MNT: variants seen among roughly 807,000 people sequenced by gnomAD.
MNT encodes MAX network transcriptional repressor.
In MNT, 13 loss-of-function variants were observed where a neutral mutation model predicts 40.7. The observed-to-expected ratio is 0.32, with a 90% confidence interval of 0.21 to 0.51. The LOEUF (loss-of-function observed/expected upper bound fraction) is 0.51, where lower values mean the gene tolerates loss of function less well. MNT is among the 20% of genes least tolerant of loss of function. The probability of loss-of-function intolerance (pLI) is 0.98; values close to 1 mark genes in which losing one functional copy is unlikely to be tolerated. For missense variants in MNT, 757 were observed against 792.0 expected (o/e 0.96, Z 0.53); for synonymous variants, 426 against 354.8 (o/e 1.20, Z -2.26).
Position 2,387,314 on chromosome 17 carries a change from T to G in MNT, c.1336A>C (p.Thr446Pro), listed in dbSNP as rs746671975. Residue 446 changes from threonine to proline, a missense_variant, in exon 6 of 6, where the codon ACC (threonine) becomes CCC (proline). Coordinates refer to ENST00000174618, the MANE Select transcript of MNT (RefSeq NM_020310.3). Reference protein sequence around the residue: ...GGSTVIAHTATTHASVIQTVN... With the variant: ...GGSTVIAHTAPTHASVIQTVN... ...GTCTGGATGACTGAAGCGTGAGTGG[T>G]GGCTGTGTGGGCGATGACCGTGGAG... 1 of 1,613,100 alleles carries G rather than the reference T, an allele frequency of 6.2e-7. No individual in the cohort carries two copies. The highest frequency in any genetic ancestry group is 8.5e-7 in the Non-Finnish European group (1 of 1,179,780).
rs770221072 is a variant in MNT at position 2,385,203 on chromosome 17, A to C, written c.*1698T>G. 4.6e-5 allele frequency: 7 copies of C among 152,312 alleles called. No individual in the cohort carries two copies. The highest frequency in any genetic ancestry group is 1.0e-4 in the Non-Finnish European group (7 of 68,092). The allele number at this position is 152,312 out of a possible 1,614,324, so 9.4% of individuals were successfully genotyped here. On this transcript the variant is annotated 3_prime_UTR_variant, in exon 6 of 6. Coordinates refer to ENST00000174618, the MANE Select transcript of MNT (RefSeq NM_020310.3). ...GAGGTGTCCAGGACCAGGAGGGAAC[A>C]GGAAGGGAATTTTTAGGCATCTAAG... is the stretch of plus-strand genomic sequence containing the variant.
intron 5 of MNT, 38 bp downstream of exon 5, chr17:2,387,819 C>T (rs367722534): frequency 5.1e-6 from 8 of 1,569,218 alleles, no homozygotes; most frequent in Admixed American, 1.8e-5. Context: ...GGTGTAACAT[C>T]TGAGGGCTGG....
chr17:2,387,675 A>C, intron 5 of MNT, 26 bp from the exon 6 acceptor site: 1 of 1,611,816 alleles, frequency 6.2e-7, no homozygotes, highest in Non-Finnish European at 8.5e-7. Context: ...GGCAGGGAGC[A>C]GGTCAGAAGG....
At chr17:2,398,691 C>G (rs762791050) in intron 1 of MNT, among the ~76,000 whole-genome samples, 1 of 152,242 alleles carries the variant, frequency 6.6e-6, no homozygotes, top group Non-Finnish European at 1.5e-5. Context: ...ACAGTGCGTA[C>G]TCGAACTGCA....
At chr17:2,396,840 G>A (rs2066581833) in intron 1 of MNT, 1 of 152,354 alleles carries the variant, frequency 6.6e-6, no homozygotes, top group African/African-American at 2.4e-5. Context: ...CGGGCTCGTG[G>A]ACACGCCCCA....
At position 2,388,067 on chromosome 17, in the gene MNT, G is replaced by C; in HGVS notation, c.808-18C>G. ...TTCAGGGACTGGCACACAGAGTAAG[G>C]GACAGCAGGACACCCTGAGCAGCAG... is the stretch of plus-strand genomic sequence containing the variant. On this transcript the variant is annotated intron_variant, in intron 4 of 5. Coordinates refer to ENST00000174618, the MANE Select transcript of MNT (RefSeq NM_020310.3). 1 of 1,541,674 alleles carries C rather than the reference G, an allele frequency of 6.5e-7. No homozygotes were observed. The highest frequency in any genetic ancestry group is 8.8e-7 in the Non-Finnish European group (1 of 1,139,346).
chr17:2,399,287 T>C (rs2066598243), intron 1 of MNT, among the ~76,000 whole-genome samples: 1 of 152,070 alleles, frequency 6.6e-6, no homozygotes, highest in African/African-American at 2.4e-5. Context: ...TGCAGCACCC[T>C]GAAGCCAGGG....
intron 1 of MNT, among the ~76,000 whole-genome samples, chr17:2,397,391 C>T (rs1375652039): frequency 1.3e-5 from 2 of 152,170 alleles, no homozygotes; most frequent in Non-Finnish European, 2.9e-5. Flanking sequence ...AACACAGACC[C>T]TGCCTCCATT....
At chr17:2,389,936 ATTAAG>A (rs1295920020) in intron 4 of MNT, 1 of 151,852 alleles carries the variant, frequency 6.6e-6, no homozygotes, top group Non-Finnish European at 1.5e-5. Context: ...CAAAATTTCT[ATTAAG>A]TTTTCTGTCT....
At chr17:2,397,303 C>T (rs953989057) in intron 1 of MNT, among the ~76,000 whole-genome samples, 2 of 152,112 alleles carry the variant, frequency 1.3e-5, no homozygotes, top group Non-Finnish European at 2.9e-5. Context: ...GTGACAGGGC[C>T]CTTCTCAGTC....
At position 2,395,381 on chromosome 17, in the gene MNT, C is replaced by T; in HGVS notation, c.147G>A (p.Leu49=). 6.2e-7 allele frequency: 1 copy of T among 1,613,658 alleles called. No homozygotes were observed. The highest frequency in any genetic ancestry group is 8.5e-7 in the Non-Finnish European group (1 of 1,179,934). ...GTTCCTCCACAGGAAGGGTATGTGC[C>T]AGCCTGGCCAGGCTATTGGCCTTCT... ...EQKKANSLAR[L]AHTLPVEEPR... The change falls in exon 2 of 6, where the codon CTG becomes CTA. Residue 49 remains leucine, a synonymous_variant. Coordinates refer to ENST00000174618, the MANE Select transcript of MNT (RefSeq NM_020310.3).
rs145881779 is a variant in MNT at position 2,387,231 on chromosome 17, C to T, written c.1419G>A (p.Ser473=). ...GGKHIAHIAP[S]APSPAVQLAP... ...CCAGTTGCACCGCAGGGCTGGGGGC[C>T]GAGGGGGCGATGTGGGCGATGTGCT... Residue 473 remains serine (S), a synonymous_variant, in exon 6 of 6, where the codon TCG becomes TCA. Coordinates refer to ENST00000174618, the MANE Select transcript of MNT (RefSeq NM_020310.3). 372 of 1,611,314 alleles carry T rather than the reference C, an allele frequency of 2.3e-4. No individual in the cohort carries two copies. The highest frequency in any genetic ancestry group is 2.9e-4 in the Non-Finnish European group (343 of 1,179,140).
At chr17:2,399,452 G>T (rs550210919) in intron 1 of MNT, among the ~76,000 whole-genome samples, 6 of 152,314 alleles carry the variant, frequency 3.9e-5, no homozygotes, top group African/African-American at 1.2e-4. Context: ...GTGGAAAAAT[G>T]TGAGCTCTAA....
chr17:2,398,938 G>A (rs534451018), intron 1 of MNT, among the ~76,000 whole-genome samples: 1 of 152,106 alleles, frequency 6.6e-6, no homozygotes, highest in East Asian at 1.9e-4. Flanking sequence ...TTGACCTTGA[G>A]AGGCCGGTCG....
At chr17:2,393,509 C>T (rs1195145803) in intron 4 of MNT, among the ~76,000 whole-genome samples, 2 of 152,250 alleles carry the variant, frequency 1.3e-5, no homozygotes, top group Admixed American at 1.3e-4. Context: ...TAACCCCACA[C>T]TCGGGCCGTG....
At chr17:2,400,266 G>T in intron 1 of MNT, 1 of 228,490 alleles carries the variant, frequency 4.4e-6, no homozygotes, top group Non-Finnish European at 8.7e-6. Flanking sequence ...ACACACGCAC[G>T]CACACGCGAG....
intron 4 of MNT, chr17:2,391,897 C>G (rs2066518704): frequency 1.3e-5 from 2 of 152,368 alleles, no homozygotes; most frequent in East Asian, 1.9e-4. Context: ...CTTGGCCTCC[C>G]GAGTAGCGTA....
In MNT at chr17:2,387,522, C is replaced by G; in HGVS notation, c.1128G>C (p.Ala376=). 2 of 1,612,178 alleles carry G rather than the reference C, an allele frequency of 1.2e-6. No individual in the cohort carries two copies. Among genetic ancestry groups the G allele is most frequent in the East Asian group, 2.2e-5 (1 of 44,710 alleles). Residue 376 remains alanine, a synonymous_variant, in exon 6 of 6, where the codon GCG becomes GCC. Coordinates refer to ENST00000174618, the MANE Select transcript of MNT (RefSeq NM_020310.3). The part of the protein sequence containing the change: ...STLPPPSTTP[A]PLPPHPHPHP... ...GAGGGTGTGGGTGTGGAGGCAGAGG[C>G]GCAGGGGTGGTGCTGGGGGGTGGCA...
Position 2,394,329 on chromosome 17 carries a change from A to T in MNT, c.671T>A (p.Val224Asp). 2 of 1,610,512 alleles carry T rather than the reference A, an allele frequency of 1.2e-6. No homozygotes were observed. Among genetic ancestry groups the T allele is most frequent in the South Asian group, 1.1e-5 (1 of 90,946 alleles). Residue 224 changes from valine to aspartate, a missense_variant, in exon 3 of 6, where the codon GTC (valine) becomes GAC (aspartate). Around this residue, in one of 4 missense-constraint regions of MNT, gnomAD observed 73 missense variants for 100.8 expected, o/e 0.72. Coordinates refer to ENST00000174618, the MANE Select transcript of MNT (RefSeq NM_020310.3). ...KRPGGIGTRE[V>D]HNKLEKNRRA... is the part of the protein sequence containing the mutation. ...CCTGTTCTTCTCCAATTTGTTGTGG[A>T]CTTCTCTGGTTCCGATCCTGAAACC...
Sources: gnomAD v4.1 joint callset for allele counts (sites outside exome capture counted in the v4.1 genomes callset) on GRCh38, gnomAD v4.1.1 for gene constraint, gnomAD v4.1.1 regional missense constraint, MANE v1.5 for transcripts, NCBI Gene and HGNC (gene_info 2026-07-23, HGNC 2026-07-21) for gene names.